The following HSD17B11 variants were observed in gnomAD, a reference collection of about 807,000 sequenced individuals.
The protein encoded by HSD17B11 is estradiol 17-beta-dehydrogenase 11.
Under a neutral mutation model 27.8 loss-of-function variants are expected in HSD17B11, and 22 were observed. That is an observed-to-expected ratio of 0.79 (90% CI 0.56 to 1.13). The LOEUF is 1.13. Among genes scored for constraint, HSD17B11 ranks in the 50% most tolerant of loss-of-function variants. The pLI, the probability that HSD17B11 is intolerant of heterozygous loss-of-function variation, is 0.00. For missense variants in HSD17B11, 314 were observed against 351.1 expected, an observed-to-expected ratio of 0.89 and a Z score of 0.84; for synonymous variants, 117 against 132.8, an observed-to-expected ratio of 0.88 and a Z score of 0.82.
chr4:87,358,128 A>AT (rs1735428130), intron 4 of HSD17B11, among the ~76,000 whole-genome samples: 1 of 151,638 alleles, frequency 6.6e-6, no homozygotes, highest in South Asian at 2.1e-4. Flanking sequence ...TGCTCGGCTA[A>AT]TTTTTTGTAT....
At chr4:87,342,913 G>A (rs1735196402) in intron 5 of HSD17B11, among the ~76,000 whole-genome samples, 1 of 152,224 alleles carries the variant, frequency 6.6e-6, no homozygotes, top group Non-Finnish European at 1.5e-5. Context: ...TAAACAGGCA[G>A]GGGTATCAAG....
chr4:87,362,236 G>A (rs1274072441), intron 4 of HSD17B11, among the ~76,000 whole-genome samples: 7 of 152,318 alleles, frequency 4.6e-5, no homozygotes, highest in African/African-American at 1.7e-4. Context: ...TAAGATTTAG[G>A]AGGTTAGGCC....
At chr4:87,377,306 T>C (rs1735848402) in intron 2 of HSD17B11, among the ~76,000 whole-genome samples, 1 of 151,898 alleles carries the variant, frequency 6.6e-6, no homozygotes, top group Non-Finnish European at 1.5e-5. Context: ...AAAAATTAGC[T>C]AGGCGTGGTG....
chr4:87,371,121 ACAGC>A, intron 4 of HSD17B11, among the ~76,000 whole-genome samples: 1 of 152,334 alleles, frequency 6.6e-6, no homozygotes, highest in East Asian at 1.9e-4. Context: ...CTAAGGTCAC[ACAGC>A]TGGTGAGTGA....
intron 5 of HSD17B11, among the ~76,000 whole-genome samples, chr4:87,354,660 T>A (rs12505515): frequency 0.2 from 28,578 of 142,694 alleles, 3,751 homozygotes; most frequent in African/African-American, 0.36. Context: ...ATAAAAAAAA[T>A]AAAAAAAGGA....
chr4:87,379,929 A>G (rs925650713), intron 2 of HSD17B11, among the ~76,000 whole-genome samples: 1 of 146,594 alleles, frequency 6.8e-6, no homozygotes. Flanking sequence ...ATATTTATAT[A>G]TACTATATAA....
chr4:87,372,719 G>C lies in HSD17B11; in HGVS notation c.547C>G (p.Leu183Val), dbSNP rs767942962. The change falls in exon 4 of 7, where the codon CTG becomes GTG. Residue 183 changes from leucine to valine, a missense_variant. By Grantham distance (32) the Leu-to-Val change is conservative. Transcript: ENST00000358290. ...AAGHVSVPFL[L>V]AYCSSKFAAV... is the part of the protein sequence containing the mutation. ...CACATGTTCACATACCAGTAAGCCA[G>C]TAAGAAGGGGACCGAGACATGTCCA... 1 of 1,605,154 alleles carries C rather than the reference G, an allele frequency of 6.2e-7. No homozygotes were observed. Among genetic ancestry groups the C allele is most frequent in the South Asian group, 1.1e-5 (1 of 90,974 alleles).
intron 5 of HSD17B11, among the ~76,000 whole-genome samples, chr4:87,345,379 C>G (rs62305732): frequency 0.17 from 25,932 of 151,486 alleles, 2,382 homozygotes; most frequent in African/African-American, 0.23. Context: ...GATCTCAAAT[C>G]AGTAAAGTGA....
chr4:87,354,923 TG>T (rs1320255219), intron 5 of HSD17B11, among the ~76,000 whole-genome samples: 1 of 119,312 alleles, frequency 8.4e-6, no homozygotes, highest in African/African-American at 3.4e-5. Flanking sequence ...GAGACCAGCC[TG>T]GGCAAACAGC....
intron 4 of HSD17B11, chr4:87,366,168 T>C (rs536417131): frequency 1.1e-3 from 165 of 152,252 alleles, no homozygotes; most frequent in African/African-American, 3.9e-3. Flanking sequence ...TTGTGGAAGG[T>C]TTATAAAAAT....
At chr4:87,363,669 T>C (rs1313687144) in intron 4 of HSD17B11, among the ~76,000 whole-genome samples, 1 of 152,218 alleles carries the variant, frequency 6.6e-6, no homozygotes, top group African/African-American at 2.4e-5. Context: ...CTGAAAATCA[T>C]ATTAAATAGT....
intron 1 of HSD17B11, among the ~76,000 whole-genome samples, chr4:87,386,240 T>C (rs1023033235): frequency 6.6e-6 from 1 of 151,836 alleles, no homozygotes. Context: ...TCTCGCTCTG[T>C]CACCCAGCCT....
chr4:87,379,798 ATATAC>A (rs1265359239), intron 2 of HSD17B11, among the ~76,000 whole-genome samples: 12 of 139,488 alleles, frequency 8.6e-5, no homozygotes, highest in African/African-American at 2.5e-4. Flanking sequence ...TTATAGTATA[ATATAC>A]TATAGTATTA....
intron 4 of HSD17B11, among the ~76,000 whole-genome samples, chr4:87,371,031 C>T (rs1036536539): frequency 1.5e-5 from 2 of 131,176 alleles, no homozygotes; most frequent in African/African-American, 6.7e-5. Flanking sequence ...GGATTACAGG[C>T]GTGAGCCACC....
chr4:87,372,872 A>G (rs954220026), intron 3 of HSD17B11, 57 bp from the exon 4 acceptor site: 27 of 1,032,678 alleles, frequency 2.6e-5, no homozygotes, highest in Non-Finnish European at 3.9e-5. Flanking sequence ...TCACAGACCT[A>G]TTGGGAATAT....
intron 5 of HSD17B11, among the ~76,000 whole-genome samples, chr4:87,354,237 G>A (rs547872262): frequency 1.4e-4 from 22 of 152,044 alleles, no homozygotes; most frequent in Non-Finnish European, 2.9e-4. Flanking sequence ...AGAACCTGGC[G>A]GCCGTGGATC....
At chr4:87,384,990 T>C (rs1452619692) in intron 1 of HSD17B11, among the ~76,000 whole-genome samples, 2 of 152,126 alleles carry the variant, frequency 1.3e-5, no homozygotes, top group Non-Finnish European at 2.9e-5. Context: ...TCTCTCTTTA[T>C]TTCTCAGCCG....
At chr4:87,372,627 G>T (rs1187640345) in intron 4 of HSD17B11, 82 bp downstream of exon 4, 3 of 835,642 alleles carry the variant, frequency 3.6e-6, no homozygotes, top group Admixed American at 2.2e-5. Flanking sequence ...TGATTATAAA[G>T]AGAGTTCTTA....
chr4:87,365,750 T>TA (rs55897268), intron 4 of HSD17B11, among the ~76,000 whole-genome samples: 110,101 of 150,678 alleles, frequency 0.73, 40,874 homozygotes, highest in African/African-American at 0.85. Flanking sequence ...TGTTTTTGGT[T>TA]AAAAAAAAAA....
Sources: gnomAD v4.1 joint callset for allele counts (sites outside exome capture counted in the v4.1 genomes callset) on GRCh38, gnomAD v4.1.1 for gene constraint, MANE v1.5 for transcripts, NCBI Gene and HGNC (gene_info 2026-07-23, HGNC 2026-07-21) for gene names.